Variants in IGF1 observed in about 807,000 individuals in gnomAD.
IGF1 encodes insulin-like growth factor 1.
In IGF1, 4 loss-of-function variants were observed where a neutral mutation model predicts 13.8. The ratio of observed to expected loss-of-function variants is 0.29; its 90% CI spans 0.14 to 0.66. IGF1 has a LOEUF of 0.66. Ranked by LOEUF, IGF1 falls within the 30% of genes least tolerant of loss-of-function variation. The pLI, the probability that IGF1 is intolerant of heterozygous loss-of-function variation, is 0.78. For synonymous variants in IGF1, 76 were observed against 72.6 expected, an observed-to-expected ratio of 1.05 and a Z score of -0.23; for missense variants, 124 against 188.5, an observed-to-expected ratio of 0.66 and a Z score of 2.00.
At chr12:102,451,344 G>A (rs553269877) in intron 2 of IGF1, among the ~76,000 whole-genome samples, 3 of 152,180 alleles carry the variant, frequency 2.0e-5, no homozygotes, top group Admixed American at 1.3e-4. Flanking sequence ...ATTACTGAGC[G>A]CATTTTATTG....
At chr12:102,415,863 A>C (rs1006149716) in intron 3 of IGF1, 6 of 152,144 alleles carry the variant, frequency 3.9e-5, no homozygotes, top group Non-Finnish European at 7.3e-5. Flanking sequence ...AGAACTTAGT[A>C]TCTCCTGAAT....
intron 3 of IGF1, among the ~76,000 whole-genome samples, chr12:102,414,775 A>G (rs1273870869): frequency 2.6e-5 from 4 of 152,214 alleles, no homozygotes; most frequent in Non-Finnish European, 5.9e-5. Flanking sequence ...GTTCATGCCT[A>G]GTACAGAGGT....
upstream of IGF1, chr12:102,480,699 G>A: frequency 5.8e-6 from 5 of 862,984 alleles, no homozygotes; most frequent in Non-Finnish European, 6.4e-6. Context: ...TTTGGGCATG[G>A]TGACAAATAA....
intron 2 of IGF1, among the ~76,000 whole-genome samples, chr12:102,450,456 C>G (rs181392809): frequency 6.6e-6 from 1 of 152,382 alleles, no homozygotes; most frequent in Admixed American, 6.5e-5. Flanking sequence ...CCATCGTACA[C>G]TGCTCCACTT....
At chr12:102,421,378 T>C (rs1032395496) in intron 2 of IGF1, among the ~76,000 whole-genome samples, 4 of 152,180 alleles carry the variant, frequency 2.6e-5, no homozygotes, top group Non-Finnish European at 5.9e-5. Flanking sequence ...TTTTATAATC[T>C]TTTCCTGGAA....
At position 102,395,939 on chromosome 12, in the gene IGF1, C is replaced by A. The variant is rs971795044; in HGVS notation, c.*6568G>T. On this transcript the variant is annotated 3_prime_UTR_variant, in exon 4 of 4. Coordinates refer to ENST00000337514, the MANE Select transcript of IGF1 (RefSeq NM_000618.5). ...AGATATACCATTTTATTATGACACT[C>A]TAGCCATACATTTTCAAAATATGCT... The A allele has an allele frequency of 6.6e-6, 1 of 152,160 alleles. No individual in the cohort carries two copies. The highest frequency in any genetic ancestry group is 1.5e-5 in the Non-Finnish European group (1 of 68,018). 9.4% of individuals were successfully genotyped at this position (152,160 alleles called of 1,614,324 possible). A position where few individuals can be genotyped will look rare whatever the true frequency, so the allele number is the denominator to read the frequency against.
intron 2 of IGF1, among the ~76,000 whole-genome samples, chr12:102,452,865 G>C (rs1250545324): frequency 6.6e-6 from 1 of 152,110 alleles, no homozygotes; most frequent in Non-Finnish European, 1.5e-5. Flanking sequence ...TAAGGACATG[G>C]GCCCTAAAAA....
intron 2 of IGF1, among the ~76,000 whole-genome samples, chr12:102,420,177 C>G (rs777794175): frequency 6.6e-6 from 1 of 152,122 alleles, no homozygotes; most frequent in African/African-American, 2.4e-5. Context: ...GGAAAGGGCT[C>G]CTCATTTTAC....
At chr12:102,459,430 G>A (rs1459934576) in intron 2 of IGF1, among the ~76,000 whole-genome samples, 1 of 152,048 alleles carries the variant, frequency 6.6e-6, no homozygotes, top group Non-Finnish European at 1.5e-5. Context: ...CAATAGTTTT[G>A]GTGGGCGATG....
At chr12:102,479,159 C>T (rs377409527) in intron 1 of IGF1, among the ~76,000 whole-genome samples, 17 of 152,264 alleles carry the variant, frequency 1.1e-4, no homozygotes, top group African/African-American at 3.6e-4. Flanking sequence ...TGCACAGTGA[C>T]GTCATTTCTT....
intron 1 of IGF1, among the ~76,000 whole-genome samples, chr12:102,479,666 G>A (rs1193180447): frequency 6.6e-6 from 1 of 152,182 alleles, no homozygotes; most frequent in Non-Finnish European, 1.5e-5. Flanking sequence ...TATACAGTAT[G>A]TATTTGTTTA....
chr12:102,450,101 G>T lies in IGF1; in HGVS notation c.220+25542C>A, dbSNP rs11111276. On this transcript the variant is annotated intron_variant, in intron 2 of 3. Transcript: ENST00000337514. ...ATCCATCCTGAGTATATCTGTTTTA[G>T]AGGAGTGACTTTTCATATAGTAGAT... Among the ~76,000 whole-genome samples the T allele has an allele frequency of 3.9e-3, 597 of 152,280 alleles. 3 individuals carry two copies. Among genetic ancestry groups the T allele is most frequent in the Middle Eastern group, 0.024 (7 of 294 alleles).
intron 2 of IGF1, among the ~76,000 whole-genome samples, chr12:102,465,592 T>C (rs1291853734): frequency 2.0e-5 from 3 of 152,128 alleles, no homozygotes; most frequent in South Asian, 2.1e-4. Context: ...TTGTGAGGAA[T>C]TGAGTTTATT....
chr12:102,475,829 T>G (rs1880991443), intron 1 of IGF1, 30 bp from the exon 2 acceptor site: 6 of 1,596,922 alleles, frequency 3.8e-6, no homozygotes, highest in Non-Finnish European at 5.1e-6. Flanking sequence ...AGGGTCAGGT[T>G]TCCTCCTTGA....
chr12:102,445,350 T>G (rs1035714291), intron 2 of IGF1, among the ~76,000 whole-genome samples: 2 of 152,212 alleles, frequency 1.3e-5, no homozygotes, highest in African/African-American at 4.8e-5. Flanking sequence ...TTCATGATAT[T>G]GATTCTTCCT....
At chr12:102,445,078 T>A (rs1878196455) in intron 2 of IGF1, among the ~76,000 whole-genome samples, 1 of 152,008 alleles carries the variant, frequency 6.6e-6, no homozygotes, top group Admixed American at 6.6e-5. Flanking sequence ...AGGCCTCTGT[T>A]CTGTTCCATT....
chr12:102,443,575 T>TA (rs1341794843), intron 2 of IGF1, among the ~76,000 whole-genome samples: 1 of 152,136 alleles, frequency 6.6e-6, no homozygotes, highest in Non-Finnish European at 1.5e-5. Context: ...TAAGCCAGTG[T>TA]AATCCTGGAA....
At chr12:102,453,691 C>A (rs148051937) in intron 2 of IGF1, among the ~76,000 whole-genome samples, 1 of 152,154 alleles carries the variant, frequency 6.6e-6, no homozygotes, top group Non-Finnish European at 1.5e-5. Flanking sequence ...CTCAGCATTT[C>A]CATGGCTAGG....
intron 2 of IGF1, among the ~76,000 whole-genome samples, chr12:102,421,251 C>A (rs970855608): frequency 3.3e-5 from 5 of 152,126 alleles, no homozygotes; most frequent in Admixed American, 3.3e-4. Context: ...GTGCAGATCT[C>A]GAAGCAGACC....
Sources: allele counts gnomAD v4.1 joint callset (sites outside exome capture counted in the v4.1 genomes callset), GRCh38; gene constraint gnomAD v4.1.1; transcripts MANE v1.5; gene names NCBI Gene and HGNC (gene_info 2026-07-23, HGNC 2026-07-21).